The following GNA14 variants were observed in gnomAD, a reference collection of about 807,000 sequenced individuals.
The protein encoded by GNA14 is G protein subunit alpha 14, also known as guanine nucleotide-binding protein subunit alpha-14.
In GNA14, 50 loss-of-function variants were observed where a neutral mutation model predicts 42.0. The ratio of observed to expected loss-of-function variants is 1.19; its 90% CI spans 0.95 to 1.51. The LOEUF is 1.51. Among genes scored for constraint, GNA14 ranks in the 40% most tolerant of loss-of-function variants. The probability of loss-of-function intolerance (pLI) is 0.00; values close to 1 mark genes in which losing one functional copy is unlikely to be tolerated. For missense variants in GNA14, 473 were observed against 446.2 expected (o/e 1.06, Z -0.54); for synonymous variants, 173 against 163.1 (o/e 1.06, Z -0.46).
intron 1 of GNA14, among the ~76,000 whole-genome samples, chr9:77,598,418 C>T (rs933951968): frequency 6.6e-6 from 1 of 152,150 alleles, no homozygotes; most frequent in African/African-American, 2.4e-5. Context: ...GATTTCTGAC[C>T]CCTCATGTAG....
intron 1 of GNA14, among the ~76,000 whole-genome samples, chr9:77,577,015 T>C (rs1397848411): frequency 6.6e-6 from 1 of 152,204 alleles, no homozygotes; most frequent in Non-Finnish European, 1.5e-5. Context: ...AGTATGTGCA[T>C]GCACAGAAAT....
Position 77,525,448 on chromosome 9 carries a change from G to A in GNA14, c.309+3621C>T, listed in dbSNP as rs917173892. On this transcript the variant is annotated intron_variant, in intron 2 of 6. Coordinates refer to ENST00000341700, the MANE Select transcript of GNA14 (RefSeq NM_004297.4). ...GAATTGAGATACTTGAGCCAGACAT[G>A]GCAAGAGAGGAGGAGACGGGAGGTA... Among the ~76,000 whole-genome samples, 32 of 152,142 alleles carry A rather than the reference G, an allele frequency of 2.1e-4. 1 individual carries two copies. Among genetic ancestry groups the A allele is most frequent in the Admixed American group, 1.8e-3 (28 of 15,262 alleles).
intron 2 of GNA14, chr9:77,517,874 G>A (rs528850605): frequency 6.6e-6 from 1 of 151,746 alleles, no homozygotes; most frequent in Admixed American, 6.6e-5. Context: ...CAAAGCATTA[G>A]GATTACAAGT....
At chr9:77,485,975 C>G (rs893761829) in intron 2 of GNA14, among the ~76,000 whole-genome samples, 2 of 152,160 alleles carry the variant, frequency 1.3e-5, no homozygotes, top group Admixed American at 1.3e-4. Context: ...TTAGTTCCAA[C>G]TTAATGTCTC....
At position 77,559,559 on chromosome 9, in the gene GNA14, CAG is replaced by C. The variant is rs1023527754; in HGVS notation, c.125-30308_125-30307del. ...CATGCAGAAAAGAAAGTGCATGTCACAGAGTGATGGCAAGCATGGGTGTGCAA... is the reference window on the plus strand; with the variant it reads ...CATGCAGAAAAGAAAGTGCATGTCACAGTGATGGCAAGCATGGGTGTGCAA... On this transcript the variant is annotated intron_variant, in intron 1 of 6. Coordinates refer to ENST00000341700, the MANE Select transcript of GNA14 (RefSeq NM_004297.4). Among the ~76,000 whole-genome samples, 5 of 152,282 alleles carry C rather than the reference CAG, an allele frequency of 3.3e-5. No homozygotes were observed. In the East Asian group the frequency reaches 7.7e-4, roughly 24 times the overall value.
chr9:77,524,095 A>T (rs967589713), intron 2 of GNA14, among the ~76,000 whole-genome samples: 2 of 152,320 alleles, frequency 1.3e-5, no homozygotes, highest in Non-Finnish European at 2.9e-5. Context: ...ATAAATTCAA[A>T]TTGCTCCCAT....
intron 1 of GNA14, among the ~76,000 whole-genome samples, chr9:77,601,063 T>C (rs768501089): frequency 5.9e-5 from 9 of 152,208 alleles, no homozygotes; most frequent in Non-Finnish European, 8.8e-5. Context: ...GTTCGCGCCT[T>C]GTGCAGGGGG....
chr9:77,552,230 T>A (rs1837795706), intron 1 of GNA14, among the ~76,000 whole-genome samples: 1 of 151,792 alleles, frequency 6.6e-6, no homozygotes, highest in African/African-American at 2.4e-5. Flanking sequence ...ATATCCAGAT[T>A]CTGGGGGATT....
At chr9:77,438,045 A>C (rs1349287956) in intron 2 of GNA14, among the ~76,000 whole-genome samples, 1 of 152,144 alleles carries the variant, frequency 6.6e-6, no homozygotes, top group Non-Finnish European at 1.5e-5. Context: ...GTAGATATAG[A>C]TATGACCTCT....
chr9:77,432,268 C>A (rs115673622), intron 3 of GNA14, among the ~76,000 whole-genome samples: 2,472 of 152,286 alleles, frequency 0.016, 30 homozygotes, highest in East Asian at 0.03. Context: ...TGAGCAGGTC[C>A]GCATGCAGGC....
chr9:77,603,943 C>CAAAAAAAA (rs1289614764), intron 1 of GNA14, among the ~76,000 whole-genome samples: 4 of 40,164 alleles, frequency 1.0e-4, no homozygotes, highest in African/African-American at 2.4e-4. Flanking sequence ...GACTCCATCT[C>CAAAAAAAA]AAAAAAAAAA....
chr9:77,527,189 T>C (rs1837453155), intron 2 of GNA14, among the ~76,000 whole-genome samples: 1 of 152,150 alleles, frequency 6.6e-6, no homozygotes, highest in South Asian at 2.1e-4. Flanking sequence ...CATTCCTGCC[T>C]CTTCACTGAA....
At chr9:77,611,823 TG>T (rs1467253110) in intron 1 of GNA14, among the ~76,000 whole-genome samples, 4 of 152,178 alleles carry the variant, frequency 2.6e-5, no homozygotes, top group African/African-American at 9.6e-5. Context: ...GAGGCTATTC[TG>T]AGTGAGCCAA....
intron 2 of GNA14, among the ~76,000 whole-genome samples, chr9:77,465,470 G>A (rs920290347): frequency 5.3e-5 from 8 of 152,210 alleles, no homozygotes; most frequent in African/African-American, 1.4e-4. Context: ...TCATATACAA[G>A]TTTTTGTGCG....
At chr9:77,486,988 A>T (rs928987651) in intron 2 of GNA14, among the ~76,000 whole-genome samples, 2 of 151,200 alleles carry the variant, frequency 1.3e-5, no homozygotes, top group Non-Finnish European at 2.9e-5. Flanking sequence ...GACTTGCTCA[A>T]TGTAGTGTTA....
chr9:77,633,053 G>A (rs893552314), intron 1 of GNA14, among the ~76,000 whole-genome samples: 2 of 152,118 alleles, frequency 1.3e-5, no homozygotes, highest in African/African-American at 4.8e-5. Flanking sequence ...AAACACCCAG[G>A]CACTATACAA....
At chr9:77,488,093 C>CCTTCACT (rs1209470766) in intron 2 of GNA14, among the ~76,000 whole-genome samples, 1 of 152,148 alleles carries the variant, frequency 6.6e-6, no homozygotes, top group Non-Finnish European at 1.5e-5. Context: ...AAGCAAGCTG[C>CCTTCACT]CTTCACTCCA....
intron 1 of GNA14, among the ~76,000 whole-genome samples, chr9:77,550,860 C>A (rs537279186): frequency 1.3e-5 from 2 of 152,310 alleles, no homozygotes; most frequent in Non-Finnish European, 2.9e-5. Context: ...CCTTCGTATT[C>A]ACTCTCACAC....
intron 2 of GNA14, among the ~76,000 whole-genome samples, chr9:77,488,326 G>C (rs1046474011): frequency 1.3e-5 from 2 of 152,140 alleles, no homozygotes; most frequent in Non-Finnish European, 2.9e-5. Flanking sequence ...TAAAATCAAG[G>C]TGGATAACTA....
Sources: allele counts gnomAD v4.1 joint callset (sites outside exome capture counted in the v4.1 genomes callset), GRCh38; gene constraint gnomAD v4.1.1; transcripts MANE v1.5; gene names NCBI Gene and HGNC (gene_info 2026-07-23, HGNC 2026-07-21).